Variants in SYDE2 observed in about 807,000 individuals in gnomAD.
SYDE2 encodes synapse defective Rho GTPase homolog 2, also known as rho GTPase-activating protein SYDE2.
Under a neutral mutation model 91.5 loss-of-function variants are expected in SYDE2, and 76 were observed. That is an observed-to-expected ratio of 0.83 (90% CI 0.69 to 1.01). The LOEUF is 1.01. Among genes scored for constraint, SYDE2 ranks in the 50% least tolerant of loss-of-function variants. SYDE2 has a pLI of 0.00. For missense variants in SYDE2, 1,364 were observed against 1,367.7 expected, an observed-to-expected ratio of 1.00 and a Z score of 0.04; for synonymous variants, 513 against 506.4, an observed-to-expected ratio of 1.01 and a Z score of -0.18.
At position 85,164,631 on chromosome 1, in the gene SYDE2, A is replaced by G. The variant is rs764283516; in HGVS notation, c.2980T>C (p.Ser994Pro). 3 of 1,603,456 alleles carry G rather than the reference A, an allele frequency of 1.9e-6. No individual in the cohort carries two copies. Among genetic ancestry groups the G allele is most frequent in the African/African-American group, 1.3e-5 (1 of 74,882 alleles). ...PVLLSQRQEP[S>P]THNNRVFTDS... ...GTAAAGACTCTGTTGTTATGGGTGG[A>G]AGGCTCTTGCCTCTGACTTAATAAT... The change falls in exon 6 of 7, where the codon TCC (serine) becomes CCC (proline). Residue 994 changes from serine (S) to proline (P), a missense_variant. Ser to Pro is a moderately conservative substitution (Grantham distance 74, BLOSUM62 -1). Coordinates refer to ENST00000341460, the MANE Select transcript of SYDE2 (RefSeq NM_032184.2).
intron 4 of SYDE2, among the ~76,000 whole-genome samples, chr1:85,177,162 A>G (rs1384802263): frequency 6.6e-6 from 1 of 152,096 alleles, no homozygotes; most frequent in African/African-American, 2.4e-5. Flanking sequence ...GGAGACCCCC[A>G]AAGTTCTTTC....
intron 6 of SYDE2, among the ~76,000 whole-genome samples, chr1:85,164,304 CA>C (rs1476766561): frequency 6.6e-6 from 1 of 152,002 alleles, no homozygotes. Context: ...TAGATCTGAC[CA>C]AGTCTAACAT....
At position 85,182,022 on chromosome 1, in the gene SYDE2, C is replaced by A; in HGVS notation, c.2544+76G>T. Reference sequence around the variant, plus strand: ...TCTAAATTTGATTTTTTTACATTACCTTGAATTTCTTCCCCCAAGACTTAC... The same window carrying A: ...TCTAAATTTGATTTTTTTACATTACATTGAATTTCTTCCCCCAAGACTTAC... On this transcript the variant is annotated intron_variant, in intron 3 of 6. Coordinates refer to ENST00000341460, the MANE Select transcript of SYDE2 (RefSeq NM_032184.2). The A allele has an allele frequency of 3.6e-6, 5 of 1,385,678 alleles. No individual in the cohort carries two copies. The South Asian group carries it at 4.9e-5, about 13-fold the overall frequency. 85.8% of individuals were successfully genotyped at this position (1,385,678 alleles called of 1,614,324 possible).
intron 2 of SYDE2, among the ~76,000 whole-genome samples, chr1:85,187,123 A>G (rs546136155): frequency 0.021 from 3,229 of 152,262 alleles, 101 homozygotes; most frequent in African/African-American, 0.074. Context: ...TCATCTGACA[A>G]AGGGCTGATA....
In SYDE2 at chr1:85,158,710, A is replaced by AT; in HGVS notation, c.*39dup. 1 of 670,710 alleles carries AT rather than the reference A, an allele frequency of 1.5e-6. No individual in the cohort carries two copies. 41.5% of individuals were successfully genotyped at this position (670,710 alleles called of 1,614,324 possible). ...GTATAAGAAAATAAAACAAAAACAG[A>AT]TTTGAAACTTTAAGACATTACAAAA... On this transcript the variant is annotated 3_prime_UTR_variant, in exon 7 of 7. Transcript: ENST00000341460.
At chr1:85,161,019 C>T (rs1657034948) in intron 6 of SYDE2, 1 of 980,216 alleles carries the variant, frequency 1.0e-6, no homozygotes, top group South Asian at 4.7e-5. Flanking sequence ...TTTTAGACTA[C>T]TGATGTCAGA....
Position 85,200,682 on chromosome 1 carries a change from G to A in SYDE2, c.315C>T (p.Asp105=), listed in dbSNP as rs998037132. Residue 105 remains aspartate, a synonymous_variant, in exon 1 of 7, where the codon GAC becomes GAT. Transcript: ENST00000341460. ...GGTGCGCGCCGCACCTGATCCAGCTGTCGCTCGGCCACCGCTGGAAGGGAG... is the reference window on the plus strand; with the variant it reads ...GGTGCGCGCCGCACCTGATCCAGCTATCGCTCGGCCACCGCTGGAAGGGAG... ...KPPPFQRWPS[D]SWIRCGAHRD... 3 of 1,537,212 alleles carry A rather than the reference G, an allele frequency of 2.0e-6. No individual in the cohort carries two copies. The African/African-American group carries it at 4.1e-5, about 21-fold the overall frequency.
chr1:85,197,665 A>C (rs942545410), intron 1 of SYDE2, among the ~76,000 whole-genome samples: 1 of 151,984 alleles, frequency 6.6e-6, no homozygotes, highest in Non-Finnish European at 1.5e-5. Flanking sequence ...TTATTTATTT[A>C]TTTTTTTGAG....
intron 1 of SYDE2, among the ~76,000 whole-genome samples, chr1:85,194,215 T>C (rs1570277185): frequency 6.6e-6 from 1 of 151,438 alleles, no homozygotes; most frequent in South Asian, 2.1e-4. Context: ...TGTAAATTCA[T>C]AGATATGGAA....
chr1:85,170,114 CTTTTTTTTT>C (rs5775829), intron 4 of SYDE2, among the ~76,000 whole-genome samples: 1 of 131,272 alleles, frequency 7.6e-6, no homozygotes, highest in South Asian at 2.4e-4. Context: ...CTTCCCATCT[CTTTTTTTTT>C]TTTTTTTTTA....
In SYDE2 at chr1:85,158,783, C is replaced by T. The variant is rs766149144; in HGVS notation, c.3552G>A (p.Glu1184=). Residue 1184 remains glutamate (E), a synonymous_variant, in exon 7 of 7, where the codon GAG becomes GAA. Transcript: ENST00000341460. Reference sequence around the variant, plus strand: ...TCATATTAAGCTTGTTTTTGTTGAGCTCACGTTCCAGATTTCCAATCAAAG... The same window carrying T: ...TCATATTAAGCTTGTTTTTGTTGAGTTCACGTTCCAGATTTCCAATCAAAG... ...IDTLIGNLER[E]LNKNKLNMSF is the part of the protein sequence containing the mutation. 8 of 758,442 alleles carry T rather than the reference C, an allele frequency of 1.1e-5. No homozygotes were observed. In the South Asian group the frequency reaches 1.2e-4, roughly 11 times the overall value. The allele number at this position is 758,442 out of a possible 1,614,324, so 47.0% of individuals were successfully genotyped here.
At chr1:85,173,686 C>T (rs1369776498) in intron 4 of SYDE2, among the ~76,000 whole-genome samples, 1 of 152,116 alleles carries the variant, frequency 6.6e-6, no homozygotes, top group South Asian at 2.1e-4. Context: ...GTAAAATTTA[C>T]ATTTGATGTC....
At chr1:85,162,797 G>A (rs2068427) in intron 6 of SYDE2, among the ~76,000 whole-genome samples, 111,689 of 152,064 alleles carry the variant, frequency 0.73, 43,097 homozygotes, top group South Asian at 0.94. Context: ...GGCACTGACA[G>A]TAAACTTAAT....
At chr1:85,165,388 G>A (rs1325647536) in intron 5 of SYDE2, among the ~76,000 whole-genome samples, 1 of 152,152 alleles carries the variant, frequency 6.6e-6, no homozygotes, top group East Asian at 1.9e-4. Context: ...CAACAGCAAA[G>A]GCTGTGATGA....
intron 1 of SYDE2, chr1:85,194,799 T>C: frequency 1.0e-6 from 1 of 982,058 alleles, no homozygotes; most frequent in Non-Finnish European, 1.2e-6. Flanking sequence ...AACATTTAAC[T>C]AGTGCCCCCA....
chr1:85,159,244 G>A lies in SYDE2; in HGVS notation c.3091C>T (p.Arg1031Cys), dbSNP rs372524889. The change falls in exon 7 of 7, where the codon CGT (arginine) becomes TGT (cysteine). Residue 1031 changes from arginine (R) to cysteine (C), a missense_variant. By Grantham distance (180) the Arg-to-Cys change is radical (BLOSUM62 -3). Coordinates refer to ENST00000341460, the MANE Select transcript of SYDE2 (RefSeq NM_032184.2). ...TCTGTTGATTTTTTGACAGTTAAAC[G>A]CTGCACTAGAAACAAACAATAATTT... ...HYLLQLWPVQ[R>C]LTVKKSTDNL... 1.3e-5 allele frequency: 10 copies of A among 778,654 alleles called. No individual in the cohort carries two copies. The African/African-American group carries it at 1.4e-4, about 11-fold the overall frequency. The allele number at this position is 778,654 out of a possible 1,614,324, so 48.2% of individuals were successfully genotyped here.
intron 2 of SYDE2, among the ~76,000 whole-genome samples, chr1:85,188,736 G>A (rs115484784): frequency 1.1e-3 from 171 of 152,330 alleles, no homozygotes; most frequent in African/African-American, 3.3e-3. Flanking sequence ...CAGCTCTTGT[G>A]AGTCACTGGT....
Position 85,182,617 on chromosome 1 carries a change from T to A in SYDE2, c.2025A>T (p.Ser675=), listed in dbSNP as rs749514383. ...HYSFSDQPKC[S]QYISGLMSVH... ...CACTCATGAGCCCAGATATGTACTG[T>A]GAACACTTAGGTTGATCAGAAAAGC... Residue 675 remains serine, a synonymous_variant, in exon 3 of 7, where the codon TCA becomes TCT. Transcript: ENST00000341460. 1 of 1,613,846 alleles carries A rather than the reference T, an allele frequency of 6.2e-7. No individual in the cohort carries two copies. The highest frequency in any genetic ancestry group is 1.3e-5 in the African/African-American group (1 of 74,936).
In SYDE2 at chr1:85,190,552, T is replaced by C. The variant is rs374576571; in HGVS notation, c.946A>G (p.Ile316Val). ...KKCQDRSHLS[I>V]SPVSLPKHQL... ...TGTTTAGGTAGAGACACAGGTGAGA[T>C]GGATAAATGACTTCTATCTTGGCAT... is the stretch of plus-strand genomic sequence containing the variant. Residue 316 changes from isoleucine (I) to valine (V), a missense_variant, in exon 2 of 7, where the codon ATC becomes GTC. Coordinates refer to ENST00000341460, the MANE Select transcript of SYDE2 (RefSeq NM_032184.2). 3 of 1,613,986 alleles carry C rather than the reference T, an allele frequency of 1.9e-6. No individual in the cohort carries two copies. Among genetic ancestry groups the C allele is most frequent in the African/African-American group, 1.3e-5 (1 of 75,048 alleles).
Sources: gnomAD v4.1 joint callset for allele counts (sites outside exome capture counted in the v4.1 genomes callset) on GRCh38, gnomAD v4.1.1 for gene constraint, MANE v1.5 for transcripts, NCBI Gene and HGNC (gene_info 2026-07-23, HGNC 2026-07-21) for gene names.